Variants in HPSE2 observed in about 807,000 individuals in gnomAD.
The protein encoded by HPSE2 is inactive heparanase-2.
A neutral mutation model predicts 60.5 loss-of-function variants in HPSE2; 38 were observed. The ratio of observed to expected loss-of-function variants is 0.63; its 90% CI spans 0.48 to 0.82. HPSE2 has a LOEUF of 0.82. Ranked by LOEUF, HPSE2 falls within the 40% of genes least tolerant of loss-of-function variation. The probability of loss-of-function intolerance (pLI) is 0.00; values close to 1 mark genes in which losing one functional copy is unlikely to be tolerated. For missense variants in HPSE2, 713 were observed against 740.4 expected (o/e 0.96, Z 0.43); for synonymous variants, 295 against 293.2 (o/e 1.01, Z -0.06).
intron 2 of HPSE2, among the ~76,000 whole-genome samples, chr10:99,205,184 T>C (rs1848704519): frequency 6.6e-6 from 1 of 152,206 alleles, no homozygotes; most frequent in African/African-American, 2.4e-5. Context: ...GCCCAGTCCC[T>C]ACCAGTATGT....
At chr10:98,681,589 T>C (rs1022299861) in intron 6 of HPSE2, among the ~76,000 whole-genome samples, 2 of 152,202 alleles carry the variant, frequency 1.3e-5, no homozygotes, top group African/African-American at 4.8e-5. Context: ...AATTTTGTTA[T>C]AGTATATGAG....
At chr10:99,007,834 G>A (rs975314449) in intron 3 of HPSE2, among the ~76,000 whole-genome samples, 1 of 152,198 alleles carries the variant, frequency 6.6e-6, no homozygotes, top group Non-Finnish European at 1.5e-5. Flanking sequence ...GTGAGGTTAA[G>A]TTCCTTACCC....
At chr10:98,881,406 G>A (rs1056093798) in intron 3 of HPSE2, among the ~76,000 whole-genome samples, 44 of 152,000 alleles carry the variant, frequency 2.9e-4, no homozygotes, top group African/African-American at 1.0e-3. Context: ...ATAAAGTCAG[G>A]ATCCAAAACT....
intron 3 of HPSE2, among the ~76,000 whole-genome samples, chr10:99,076,485 T>A (rs994340102): frequency 1.3e-5 from 2 of 152,200 alleles, no homozygotes; most frequent in African/African-American, 4.8e-5. Context: ...CCTTCTGTGC[T>A]CAAGCAATTC....
rs59630547 is a variant in HPSE2, at chr10:99,053,039, G to GAA, written c.610+91197_610+91198dup. On this transcript the variant is annotated intron_variant, in intron 3 of 11. Transcript: ENST00000370552. ...ATTTTCCATCTTTTATTAATTTCTTGAAAAAAAAACAAACTGCCTATATAT... is the reference window on the plus strand; with the variant it reads ...ATTTTCCATCTTTTATTAATTTCTTGAAAAAAAAAAACAAACTGCCTATATAT... Among the ~76,000 whole-genome samples the GAA allele has an allele frequency of 2.3e-3, 345 of 148,442 alleles. 1 individual carries two copies. The highest frequency in any genetic ancestry group is 3.1e-3 in the Non-Finnish European group (209 of 67,256).
At chr10:99,020,010 C>G (rs1466534842) in intron 3 of HPSE2, among the ~76,000 whole-genome samples, 1 of 152,006 alleles carries the variant, frequency 6.6e-6, no homozygotes, top group African/African-American at 2.4e-5. Context: ...CCGCACCGAG[C>G]CTATTCAGTT....
chr10:98,671,799 T>C (rs1021430545), intron 6 of HPSE2, among the ~76,000 whole-genome samples: 10 of 152,052 alleles, frequency 6.6e-5, no homozygotes, highest in Non-Finnish European at 1.3e-4. Flanking sequence ...ACAGGAAAGG[T>C]AAGAATCTGT....
At chr10:98,892,322 G>C (rs60109422) in intron 3 of HPSE2, among the ~76,000 whole-genome samples, 2 of 152,106 alleles carry the variant, frequency 1.3e-5, no homozygotes, top group African/African-American at 2.4e-5. Flanking sequence ...TCAAGACTTA[G>C]TATGACTACC....
At chr10:98,511,590 G>GTGTGTT (rs1942405116) in intron 9 of HPSE2, among the ~76,000 whole-genome samples, 1 of 147,188 alleles carries the variant, frequency 6.8e-6, no homozygotes, top group Admixed American at 6.7e-5. Flanking sequence ...GTGTGTGTGT[G>GTGTGTT]TGTGTGTTTG....
chr10:98,620,473 T>C lies in HPSE2; in HGVS notation c.1205+129A>G, dbSNP rs1031601272. ...TTGAATGGTTTAAGACACACATGAATGAATGAAATGAACTTTCAACGGGAA... is the reference window on the plus strand; with the variant it reads ...TTGAATGGTTTAAGACACACATGAACGAATGAAATGAACTTTCAACGGGAA... On this transcript the variant is annotated intron_variant, in intron 8 of 11. Transcript: ENST00000370552. 8.3e-6 allele frequency: 6 copies of C among 719,208 alleles called. No individual in the cohort carries two copies. In the Admixed American group the frequency reaches 1.2e-4, roughly 14 times the overall value. The allele number at this position is 719,208 out of a possible 1,614,324, so 44.6% of individuals were successfully genotyped here.
chr10:98,587,797 C>A lies in HPSE2; in HGVS notation c.1320+27107G>T, dbSNP rs1204336903. On this transcript the variant is annotated intron_variant, in intron 9 of 11. Coordinates refer to ENST00000370552, the MANE Select transcript of HPSE2 (RefSeq NM_021828.5). ...TTGAGTAAAGGCTTATGCTAACATT[C>A]TCTGGTTGATTTTCTTTACTCCAGA... Among the ~76,000 whole-genome samples, 40 of 152,204 alleles carry A rather than the reference C, an allele frequency of 2.6e-4. 1 individual carries two copies. Among genetic ancestry groups the A allele is most frequent in the Admixed American group, 2.6e-3 (40 of 15,278 alleles).
chr10:98,957,601 T>C (rs1414005019), intron 3 of HPSE2, among the ~76,000 whole-genome samples: 1 of 152,190 alleles, frequency 6.6e-6, no homozygotes. Context: ...TAAGTCTTCT[T>C]GTTGTAAATG....
At chr10:99,054,796 C>T (rs1370511487) in intron 3 of HPSE2, among the ~76,000 whole-genome samples, 2 of 152,128 alleles carry the variant, frequency 1.3e-5, no homozygotes, top group African/African-American at 2.4e-5. Flanking sequence ...CTGCAACCTC[C>T]GCCTCTTGGG....
At chr10:99,241,777 T>G in the HPSE2 span, among the ~76,000 whole-genome samples, 2 of 152,138 alleles carry the variant, frequency 1.3e-5, no homozygotes, top group African/African-American at 4.8e-5. Context: ...ATAAAAAAAA[T>G]TATACAATTG....
At chr10:98,490,262 GACACACACACACACACAC>G in intron 9 of HPSE2, 66 bp from the exon 10 acceptor site, 2 of 1,251,248 alleles carry the variant, frequency 1.6e-6, no homozygotes, top group South Asian at 1.3e-5. Context: ...GAGTAAACAT[GACACACACACACACACAC>G]ACACACACAC....
chr10:98,534,716 T>C (rs1943230429), intron 9 of HPSE2, among the ~76,000 whole-genome samples: 1 of 152,244 alleles, frequency 6.6e-6, no homozygotes, highest in Non-Finnish European at 1.5e-5. Context: ...ATTCATTAGT[T>C]TTGGCATCAA....
intron 9 of HPSE2, among the ~76,000 whole-genome samples, chr10:98,606,151 A>AGT (rs1945580072): frequency 6.6e-6 from 1 of 152,214 alleles, no homozygotes; most frequent in Non-Finnish European, 1.5e-5. Flanking sequence ...AGAATCTACA[A>AGT]GTGTCTGGCA....
At chr10:98,546,956 A>G (rs1481735664) in intron 9 of HPSE2, among the ~76,000 whole-genome samples, 1 of 150,212 alleles carries the variant, frequency 6.7e-6, no homozygotes, top group Non-Finnish European at 1.5e-5. Flanking sequence ...ACAAATTTAC[A>G]AGAAAAAAAC....
At chr10:98,538,676 C>T (rs187528207) in intron 9 of HPSE2, among the ~76,000 whole-genome samples, 22 of 152,084 alleles carry the variant, frequency 1.4e-4, no homozygotes, top group Admixed American at 1.1e-3. Context: ...TTTTAAAGCT[C>T]CCCAGATGAT....
Sources: allele counts gnomAD v4.1 joint callset (sites outside exome capture counted in the v4.1 genomes callset), GRCh38; gene constraint gnomAD v4.1.1; transcripts MANE v1.5; gene names NCBI Gene and HGNC (gene_info 2026-07-23, HGNC 2026-07-21).